The following PIGK variants were observed in gnomAD, a reference collection of about 807,000 sequenced individuals.
The protein encoded by PIGK is GPI-anchor transamidase.
A neutral mutation model predicts 50.6 loss-of-function variants in PIGK; 42 were observed. The ratio of observed to expected loss-of-function variants is 0.83; its 90% CI spans 0.65 to 1.07. The LOEUF is 1.07. Among genes scored for constraint, PIGK ranks in the 50% least tolerant of loss-of-function variants. The pLI, the probability that PIGK is intolerant of heterozygous loss-of-function variation, is 0.00. For missense variants in PIGK, 448 were observed against 488.7 expected, an observed-to-expected ratio of 0.92 and a Z score of 0.78; for synonymous variants, 151 against 156.0, an observed-to-expected ratio of 0.97 and a Z score of 0.24.
intron 3 of PIGK, among the ~76,000 whole-genome samples, chr1:77,178,887 T>C (rs12042134): frequency 2.0e-5 from 3 of 152,232 alleles, no homozygotes; most frequent in East Asian, 3.9e-4. Context: ...AAACCCAAAA[T>C]GATGGTAACT....
chr1:77,211,666 T>G (rs1249874348), intron 1 of PIGK, among the ~76,000 whole-genome samples: 4 of 152,054 alleles, frequency 2.6e-5, no homozygotes, highest in Non-Finnish European at 4.4e-5. Context: ...CTTTAATCAT[T>G]TAATAGTCAT....
At chr1:77,092,641 G>T (rs1327246717) in intron 10 of PIGK, 151 bp from the exon 11 acceptor site, 1 of 606,304 alleles carries the variant, frequency 1.6e-6, no homozygotes. Flanking sequence ...AGCAACAATG[G>T]TAAAGACTTC....
chr1:77,107,996 A>G (rs1653733427), intron 10 of PIGK, among the ~76,000 whole-genome samples: 2 of 151,986 alleles, frequency 1.3e-5, no homozygotes, highest in Non-Finnish European at 2.9e-5. Context: ...TGCACATGAG[A>G]TGGGTTTCCT....
chr1:77,198,604 C>G (rs1254348789), intron 3 of PIGK, among the ~76,000 whole-genome samples: 3 of 151,672 alleles, frequency 2.0e-5, no homozygotes, highest in African/African-American at 7.3e-5. Flanking sequence ...TACACAGCAA[C>G]AGAAGTTAGA....
intron 10 of PIGK, among the ~76,000 whole-genome samples, chr1:77,109,429 T>C (rs1209400341): frequency 1.3e-5 from 2 of 152,178 alleles, no homozygotes; most frequent in Admixed American, 6.5e-5. Context: ...GTGGGCTTCA[T>C]CCCTGGGATG....
intron 2 of PIGK, among the ~76,000 whole-genome samples, chr1:77,209,167 A>G (rs76549286): frequency 1.2e-4 from 18 of 152,140 alleles, no homozygotes; most frequent in African/African-American, 4.3e-4. Flanking sequence ...TTCCAGTCCA[A>G]TCCTTGTACA....
intron 10 of PIGK, among the ~76,000 whole-genome samples, chr1:77,113,727 T>C (rs1310781505): frequency 2.0e-5 from 3 of 152,174 alleles, no homozygotes; most frequent in African/African-American, 4.8e-5. Context: ...CAAAAATGCC[T>C]ATTAAATTCT....
At chr1:77,097,783 C>T (rs185804313) in intron 10 of PIGK, among the ~76,000 whole-genome samples, 19 of 151,780 alleles carry the variant, frequency 1.3e-4, no homozygotes, top group Non-Finnish European at 2.4e-4. Flanking sequence ...ATAAAGGGCT[C>T]GGATTTCATA....
chr1:77,134,254 G>C (rs1333870560), intron 9 of PIGK, among the ~76,000 whole-genome samples: 4 of 152,206 alleles, frequency 2.6e-5, no homozygotes, highest in African/African-American at 9.6e-5. Context: ...CTCCAGAGCT[G>C]TCACCTCTTA....
chr1:77,166,701 T>G lies in PIGK; in HGVS notation c.487+18A>C, dbSNP rs1655242562. On this transcript the variant is annotated intron_variant, in intron 5 of 10. Coordinates refer to ENST00000370812, the MANE Select transcript of PIGK (RefSeq NM_005482.3). ...TTTCAATATACTCTACTATAAAAAC[T>G]CTAAATTATGAAATTACCTGTCATA... The G allele has an allele frequency of 1.6e-6, 2 of 1,261,344 alleles. No homozygotes were observed. The highest frequency in any genetic ancestry group is 2.3e-5 in the East Asian group (1 of 42,914). The allele number at this position is 1,261,344 out of a possible 1,614,324, so 78.1% of individuals were successfully genotyped here.
At chr1:77,136,618 G>T (rs1378418707) in intron 9 of PIGK, among the ~76,000 whole-genome samples, 1 of 149,294 alleles carries the variant, frequency 6.7e-6, no homozygotes, top group African/African-American at 2.4e-5. Flanking sequence ...CTCTTTGACT[G>T]ATTTTTAAAT....
At position 77,119,490 on chromosome 1, in the gene PIGK, T is replaced by A. The variant is rs180746980; in HGVS notation, c.1071+2785A>T. On this transcript the variant is annotated intron_variant, in intron 10 of 10. Transcript: ENST00000370812. ...AAGCCAATTTTATTTGGCTATCTCA[T>A]CACATTCTCTTATTAATTTTATTGT... is the stretch of plus-strand genomic sequence containing the variant. Among the ~76,000 whole-genome samples the A allele has an allele frequency of 2.4e-3, 371 of 152,330 alleles. 1 individual carries two copies. The highest frequency in any genetic ancestry group is 7.9e-3 in the African/African-American group (328 of 41,580).
chr1:77,147,724 G>A (rs1013159864), intron 9 of PIGK, among the ~76,000 whole-genome samples: 2 of 152,294 alleles, frequency 1.3e-5, no homozygotes, highest in Admixed American at 6.5e-5. Flanking sequence ...TGTATACTAC[G>A]ATGAAGCTGT....
chr1:77,102,975 AAG>A (rs557896444), intron 10 of PIGK, among the ~76,000 whole-genome samples: 2 of 152,216 alleles, frequency 1.3e-5, no homozygotes, highest in South Asian at 2.1e-4. Flanking sequence ...GGGTGAAAGA[AAG>A]AGGGAAGGAA....
At chr1:77,108,592 T>C (rs916528072) in intron 10 of PIGK, among the ~76,000 whole-genome samples, 13 of 151,906 alleles carry the variant, frequency 8.6e-5, no homozygotes, top group Non-Finnish European at 1.6e-4. Context: ...TCTCGAGGAG[T>C]ATCTTTGTGG....
At chr1:77,201,518 G>A (rs1034665542) in intron 3 of PIGK, among the ~76,000 whole-genome samples, 1 of 152,230 alleles carries the variant, frequency 6.6e-6, no homozygotes, top group Non-Finnish European at 1.5e-5. Context: ...CCAGTAGTTT[G>A]AGAGGCCAAG....
At chr1:77,191,320 A>G (rs1241635238) in intron 3 of PIGK, among the ~76,000 whole-genome samples, 2 of 152,214 alleles carry the variant, frequency 1.3e-5, no homozygotes, top group African/African-American at 4.8e-5. Flanking sequence ...TACTATGTGC[A>G]ATCTTTCACA....
intron 3 of PIGK, among the ~76,000 whole-genome samples, chr1:77,180,148 T>C: frequency 6.6e-6 from 1 of 152,180 alleles, no homozygotes; most frequent in East Asian, 1.9e-4. Flanking sequence ...CAAGAATATG[T>C]TGTTTTTATA....
chr1:77,195,348 G>C, intron 3 of PIGK: 1 of 1,269,118 alleles, frequency 7.9e-7, no homozygotes, highest in Non-Finnish European at 1.1e-6. Context: ...GCCAGCGGGC[G>C]GAGGCACAGG....
Sources: allele counts gnomAD v4.1 joint callset (sites outside exome capture counted in the v4.1 genomes callset), GRCh38; gene constraint gnomAD v4.1.1; transcripts MANE v1.5; gene names NCBI Gene and HGNC (gene_info 2026-07-23, HGNC 2026-07-21).